Variants in SCFD2 observed in about 807,000 individuals in gnomAD.
SCFD2 encodes the protein sec1 family domain containing 2.
SCFD2 carries 54 observed loss-of-function variants against 58.9 expected under a neutral mutation model. That is an observed-to-expected ratio of 0.92 (90% CI 0.74 to 1.15). The LOEUF is 1.15. Among genes scored for constraint, SCFD2 ranks in the 50% most tolerant of loss-of-function variants. The probability of loss-of-function intolerance (pLI) is 0.00; values close to 1 mark genes in which losing one functional copy is unlikely to be tolerated. For synonymous variants in SCFD2, 321 were observed against 335.9 expected (o/e 0.96, Z 0.49); for missense variants, 805 against 836.6 (o/e 0.96, Z 0.47).
intron 4 of SCFD2, among the ~76,000 whole-genome samples, chr4:53,230,062 C>T (rs1469902998): frequency 2.0e-5 from 3 of 152,140 alleles, no homozygotes; most frequent in African/African-American, 7.2e-5. Flanking sequence ...CAAATCAAAA[C>T]CACAATGAGA....
At chr4:53,051,694 C>G (rs553212875) in intron 5 of SCFD2, among the ~76,000 whole-genome samples, 1 of 152,252 alleles carries the variant, frequency 6.6e-6, no homozygotes, top group African/African-American at 2.4e-5. Flanking sequence ...TATAAAGTGG[C>G]GCTAACTGCA....
At chr4:53,307,526 AG>A (rs1732554159) in intron 3 of SCFD2, among the ~76,000 whole-genome samples, 1 of 152,236 alleles carries the variant, frequency 6.6e-6, no homozygotes, top group South Asian at 2.1e-4. Flanking sequence ...CCCAGTCAGA[AG>A]ACATTAAACA....
chr4:52,942,289 G>A (rs918385684), intron 5 of SCFD2, among the ~76,000 whole-genome samples: 15 of 152,194 alleles, frequency 9.9e-5, no homozygotes, highest in African/African-American at 3.6e-4. Context: ...AAGGGGGAGA[G>A]TGGGTTGTGG....
rs1553882340 is a variant in SCFD2, at chr4:53,164,804, A to AAAAG, written c.1312-19223_1312-19222insCTTT. The stretch of plus-strand genomic sequence containing the variant: ...CTGGAGTCTCAAAAAAAAAAAAAAA[A>AAAAG]AAGAAGAAGAAGAAGAAGAAGAAGA... On this transcript the variant is annotated intron_variant, in intron 4 of 8. Coordinates refer to ENST00000401642, the MANE Select transcript of SCFD2 (RefSeq NM_152540.4). Among the ~76,000 whole-genome samples, 872 of 143,828 alleles carry AAAAG rather than the reference A, an allele frequency of 6.1e-3. 10 individuals are homozygous for AAAAG. Among genetic ancestry groups the AAAAG allele is most frequent in the African/African-American group, 0.015 (556 of 36,388 alleles). The allele number at this position is 143,828 out of a possible 152,430, so 94.4% of individuals were successfully genotyped here.
At chr4:53,204,460 C>A (rs1728347834) in intron 4 of SCFD2, among the ~76,000 whole-genome samples, 1 of 148,224 alleles carries the variant, frequency 6.7e-6, no homozygotes, top group Non-Finnish European at 1.5e-5. Context: ...AAAATATGAG[C>A]AAAAATAAAA....
At chr4:53,336,360 TAA>T (rs1455545211) in intron 2 of SCFD2, among the ~76,000 whole-genome samples, 2 of 152,112 alleles carry the variant, frequency 1.3e-5, no homozygotes, top group Non-Finnish European at 2.9e-5. Flanking sequence ...AGTACAAATA[TAA>T]AGACTGCTTT....
intron 5 of SCFD2, among the ~76,000 whole-genome samples, chr4:53,008,946 T>C (rs570000591): frequency 1.8e-4 from 28 of 152,296 alleles, no homozygotes; most frequent in Non-Finnish European, 4.0e-4. Flanking sequence ...GCAGAAGAGA[T>C]GTGTGATCCT....
intron 5 of SCFD2, among the ~76,000 whole-genome samples, chr4:53,047,512 G>T (rs1030333013): frequency 2.0e-5 from 3 of 152,162 alleles, no homozygotes; most frequent in Admixed American, 6.5e-5. Context: ...TTTGCAGGTT[G>T]TGTCTTCTTG....
intron 4 of SCFD2, among the ~76,000 whole-genome samples, chr4:53,270,907 T>C (rs892929430): frequency 6.6e-6 from 1 of 152,126 alleles, no homozygotes; most frequent in Non-Finnish European, 1.5e-5. Context: ...TACATATTAA[T>C]GGGAAAAAGA....
At chr4:53,228,985 C>A (rs1426875579) in intron 4 of SCFD2, among the ~76,000 whole-genome samples, 1 of 152,050 alleles carries the variant, frequency 6.6e-6, no homozygotes. Context: ...AACAGACAAA[C>A]AGAGAGCCAA....
intron 6 of SCFD2, among the ~76,000 whole-genome samples, chr4:52,915,603 C>A (rs1419590441): frequency 1.3e-5 from 2 of 152,154 alleles, no homozygotes; most frequent in Non-Finnish European, 2.9e-5. Flanking sequence ...ATCCATCCAT[C>A]CACCCACCCA....
At chr4:52,952,928 C>T (rs1395299737) in intron 5 of SCFD2, among the ~76,000 whole-genome samples, 1 of 152,162 alleles carries the variant, frequency 6.6e-6, no homozygotes, top group Non-Finnish European at 1.5e-5. Context: ...TGAATGCTAA[C>T]ATCTTGAAAT....
At chr4:52,936,812 C>T (rs1233172230) in intron 5 of SCFD2, among the ~76,000 whole-genome samples, 4 of 152,228 alleles carry the variant, frequency 2.6e-5, no homozygotes, top group South Asian at 2.1e-4. Context: ...ATCACCTTCG[C>T]TTCTGCAACT....
chr4:53,164,961 C>A (rs1577793776), intron 4 of SCFD2, among the ~76,000 whole-genome samples: 1 of 152,296 alleles, frequency 6.6e-6, no homozygotes, highest in Non-Finnish European at 1.5e-5. Context: ...AATGCTATAA[C>A]AAGTCTTTTC....
Position 52,895,370 on chromosome 4 carries a change from G to A in SCFD2, c.1843-9504C>T, listed in dbSNP as rs978215163. 2.6e-5 allele frequency among the ~76,000 whole-genome samples: 4 copies of A among 151,876 alleles called. No homozygotes were observed. In the East Asian group the frequency reaches 7.7e-4, roughly 29 times the overall value. ...CAGTGTGTGATGTTCCCCTTCCTGT[G>A]TCCTTGTGTTCTCATTGTTCAATTC... On this transcript the variant is annotated intron_variant, in intron 7 of 8. Transcript: ENST00000401642.
chr4:53,177,846 G>A (rs973767260), intron 4 of SCFD2, among the ~76,000 whole-genome samples: 23 of 152,226 alleles, frequency 1.5e-4, no homozygotes, highest in African/African-American at 4.8e-4. Context: ...TGGCACACCA[G>A]GAGATTATAT....
chr4:52,958,132 C>G (rs1423514743), intron 5 of SCFD2: 3 of 152,166 alleles, frequency 2.0e-5, no homozygotes, highest in African/African-American at 7.2e-5. Context: ...AAAATTGTTC[C>G]TTTAGATTAA....
At position 53,365,871 on chromosome 4, in the gene SCFD2, G is replaced by A. The variant is rs1222190486; in HGVS notation, c.71C>T (p.Ala24Val). ...WEQVLAKVKR[A>V]VVYLDAACAE... ...GCAGGCGGCGTCCAGGTAAACCACAGCCCGTTTCACTTTGGCCAGCACCTG... is the reference window on the plus strand; with the variant it reads ...GCAGGCGGCGTCCAGGTAAACCACAACCCGTTTCACTTTGGCCAGCACCTG... The change falls in exon 1 of 9, where the codon GCT (alanine) becomes GTT (valine). Residue 24 changes from alanine (A) to valine (V), a missense_variant. By Grantham distance (64) the Ala-to-Val change is moderately conservative. This residue lies in a region of SCFD2 where 155 missense variants were observed against 149.7 expected (regional missense o/e 1.04). Transcript: ENST00000401642. This position sits in a 1 kb window ranked among gnomAD's most constrained non-coding sequence, Gnocchi z 4.3. 1 of 1,609,888 alleles carries A rather than the reference G, an allele frequency of 6.2e-7. No individual in the cohort carries two copies.
intron 5 of SCFD2, among the ~76,000 whole-genome samples, chr4:53,088,212 T>C (rs1168527189): frequency 2.6e-5 from 4 of 152,182 alleles, no homozygotes; most frequent in Non-Finnish European, 5.9e-5. Flanking sequence ...GGTATGATCC[T>C]CTAAGACAAT....
Sources: allele counts gnomAD v4.1 joint callset (sites outside exome capture counted in the v4.1 genomes callset), GRCh38; gene constraint gnomAD v4.1.1; regional missense constraint gnomAD v4.1.1; non-coding constraint Gnocchi (gnomAD v3.1); transcripts MANE v1.5; gene names NCBI Gene and HGNC (gene_info 2026-07-23, HGNC 2026-07-21).